The following PIK3C2A variants were observed in gnomAD, a reference collection of about 807,000 sequenced individuals.
The protein encoded by PIK3C2A is phosphatidylinositol 4-phosphate 3-kinase C2 domain-containing subunit alpha.
Under a neutral mutation model 204.5 loss-of-function variants are expected in PIK3C2A, and 97 were observed. The observed-to-expected ratio is 0.47, with a 90% confidence interval of 0.40 to 0.56. The LOEUF is 0.56. Ranked by LOEUF, PIK3C2A falls within the 20% of genes least tolerant of loss-of-function variation. The pLI is 0.00. For synonymous variants in PIK3C2A, 653 were observed against 664.4 expected (o/e 0.98, Z 0.26); for missense variants, 1,735 against 1,969.2 (o/e 0.88, Z 2.25).
intron 13 of PIK3C2A, among the ~76,000 whole-genome samples, chr11:17,124,480 G>T (rs1438149344): frequency 6.7e-6 from 1 of 150,094 alleles, no homozygotes; most frequent in Non-Finnish European, 1.5e-5. Context: ...TTTTGAGACG[G>T]AGTCTTGTTC....
intron 3 of PIK3C2A, among the ~76,000 whole-genome samples, chr11:17,155,128 C>T (rs541998912): frequency 1.3e-5 from 2 of 152,280 alleles, no homozygotes; most frequent in Non-Finnish European, 2.9e-5. Flanking sequence ...AATATATTTG[C>T]TCTTCTAAAC....
chr11:17,194,886 G>A (rs566445657), intron 1 of PIK3C2A, among the ~76,000 whole-genome samples: 1 of 146,020 alleles, frequency 6.8e-6, no homozygotes, highest in African/African-American at 2.6e-5. Flanking sequence ...TCCAGCCTGG[G>A]CAACAAGAAC....
intron 1 of PIK3C2A, among the ~76,000 whole-genome samples, chr11:17,181,223 T>C (rs1202736002): frequency 6.6e-6 from 1 of 152,126 alleles, no homozygotes; most frequent in South Asian, 2.1e-4. Context: ...ATTAAGTCTC[T>C]GGCCATTGGT....
chr11:17,136,077 G>A (rs1849863596), intron 9 of PIK3C2A, among the ~76,000 whole-genome samples: 1 of 151,804 alleles, frequency 6.6e-6, no homozygotes, highest in African/African-American at 2.4e-5. Context: ...TTTTCTACAG[G>A]AAGTATTAGC....
At chr11:17,198,031 A>G (rs960820134) in intron 1 of PIK3C2A, among the ~76,000 whole-genome samples, 1 of 152,170 alleles carries the variant, frequency 6.6e-6, no homozygotes, top group African/African-American at 2.4e-5. Flanking sequence ...TTAAATTCAT[A>G]GTTTTATATA....
intron 5 of PIK3C2A, chr11:17,148,460 T>C (rs1850320546): frequency 9.7e-6 from 5 of 517,410 alleles, no homozygotes; most frequent in Admixed American, 3.2e-5. Flanking sequence ...GGGAATACAA[T>C]GTCTCACTTA....
intron 5 of PIK3C2A, among the ~76,000 whole-genome samples, chr11:17,148,004 G>C (rs981363349): frequency 6.6e-6 from 1 of 152,062 alleles, no homozygotes; most frequent in African/African-American, 2.4e-5. Flanking sequence ...GATCACCTGA[G>C]GTCGAGAGTT....
At position 17,110,604 on chromosome 11, in the gene PIK3C2A, A is replaced by G. The variant is rs746687176; in HGVS notation, c.3415-43T>C. 3.2e-6 allele frequency: 5 copies of G among 1,569,276 alleles called. No homozygotes were observed. In the South Asian group the frequency reaches 5.8e-5, roughly 18 times the overall value. On this transcript the variant is annotated intron_variant, in intron 21 of 32. Coordinates refer to ENST00000691414, the MANE Select transcript of PIK3C2A (RefSeq NM_002645.4). ...AAAATGAAACTTGTACATCTCCAAA[A>G]GACTTAACAGATTACATACTATGAA...
intron 13 of PIK3C2A, among the ~76,000 whole-genome samples, chr11:17,127,933 T>C (rs1423240642): frequency 1.3e-5 from 2 of 152,220 alleles, no homozygotes. Context: ...GTTCAGAATG[T>C]AGACCCTGTA....
intron 1 of PIK3C2A, among the ~76,000 whole-genome samples, chr11:17,186,676 C>A (rs531771180): frequency 2.0e-5 from 3 of 152,172 alleles, no homozygotes; most frequent in African/African-American, 4.8e-5. Context: ...ATGTATATCT[C>A]GGAATTCTTC....
In PIK3C2A at chr11:17,088,421, G is replaced by A. The variant is rs1848208359; in HGVS notation, c.*1317C>T. ...CCGCTACCACGCCTGGCTAATTTTT[G>A]TGTAGAGACGGGGTTTCACCATGTT... is the stretch of plus-strand genomic sequence containing the variant. On this transcript the variant is annotated 3_prime_UTR_variant, in exon 33 of 33. Coordinates refer to ENST00000691414, the MANE Select transcript of PIK3C2A (RefSeq NM_002645.4). 1 of 152,052 alleles carries A rather than the reference G, an allele frequency of 6.6e-6. No individual in the cohort carries two copies. 9.4% of individuals were successfully genotyped at this position (152,052 alleles called of 1,614,324 possible). A position where few individuals can be genotyped will look rare whatever the true frequency, so the allele number is the denominator to read the frequency against.
chr11:17,169,547 T>A lies in PIK3C2A; in HGVS notation c.195A>T (p.Ala65=). The A allele has an allele frequency of 6.2e-7, 1 of 1,614,182 alleles. No individual in the cohort carries two copies. The highest frequency in any genetic ancestry group is 8.5e-7 in the Non-Finnish European group (1 of 1,180,020). Residue 65 remains alanine (A), a synonymous_variant, in exon 2 of 33, where the codon GCA becomes GCT. Coordinates refer to ENST00000691414, the MANE Select transcript of PIK3C2A (RefSeq NM_002645.4). ...CATAATCCTGCTTGTTATAAACCTG[T>A]GCTTTTTTTCTGGTGCTGCTTGACA... ...FELSSSTRKK[A]QVYNKQDYDL...
At chr11:17,200,123 T>G (rs893856851) in intron 1 of PIK3C2A, among the ~76,000 whole-genome samples, 8 of 151,848 alleles carry the variant, frequency 5.3e-5, no homozygotes, top group Non-Finnish European at 8.8e-5. Context: ...GAGGAGGAAG[T>G]TGCAGTGAGC....
intron 1 of PIK3C2A, among the ~76,000 whole-genome samples, chr11:17,198,287 T>C (rs1852233759): frequency 1.3e-5 from 2 of 151,966 alleles, no homozygotes; most frequent in African/African-American, 4.8e-5. Flanking sequence ...TTTTTGTATT[T>C]TTAGTAGAGA....
chr11:17,153,055 G>C (rs1565277276), intron 3 of PIK3C2A, among the ~76,000 whole-genome samples: 1 of 152,006 alleles, frequency 6.6e-6, no homozygotes, highest in East Asian at 1.9e-4. Flanking sequence ...CAGAAAGACA[G>C]GTGTAGAATG....
At position 17,193,876 on chromosome 11, in the gene PIK3C2A, A is replaced by G. The variant is rs1210471900; in HGVS notation, c.-66+13972T>C. On this transcript the variant is annotated intron_variant, in intron 1 of 32. Transcript: ENST00000691414. ...AGAAAAGAAAAGAAAAGAAAAGAAA[A>G]GAAAAGAAAAGAAAAGAAAAGAAAA... is the stretch of plus-strand genomic sequence containing the variant. 29 of 147,988 alleles carry G rather than the reference A, an allele frequency of 2.0e-4. 3 individuals carry two copies. The East Asian group carries it at 2.7e-3, about 14-fold the overall frequency. The allele number at this position is 147,988 out of a possible 1,614,324, so 9.2% of individuals were successfully genotyped here. A position where few individuals can be genotyped will look rare whatever the true frequency, so the allele number is the denominator to read the frequency against.
rs1468053196 is a variant in PIK3C2A, at chr11:17,145,872, G to C, written c.1631C>G (p.Ala544Gly). Reference protein sequence around the residue: ...LYQIEKPCKEAMTRHPVEELL... With the variant: ...LYQIEKPCKEGMTRHPVEELL... Reference sequence around the variant, plus strand: ...GCTTTAGATGATATACCTCGTCATGGCTTCTTTGCAAGGTTTTTCTATTTG... The same window carrying C: ...GCTTTAGATGATATACCTCGTCATGCCTTCTTTGCAAGGTTTTTCTATTTG... Residue 544 changes from alanine (A) to glycine (G), a missense_variant, in exon 7 of 33, where the codon GCC becomes GGC. By Grantham distance (60) the Ala-to-Gly change is moderately conservative. Coordinates refer to ENST00000691414, the MANE Select transcript of PIK3C2A (RefSeq NM_002645.4). 2.5e-6 allele frequency: 4 copies of C among 1,612,754 alleles called. No individual in the cohort carries two copies. Among genetic ancestry groups the C allele is most frequent in the East Asian group, 4.5e-5 (2 of 44,808 alleles).
At chr11:17,158,126 A>T (rs1485817915) in intron 2 of PIK3C2A, among the ~76,000 whole-genome samples, 1 of 152,028 alleles carries the variant, frequency 6.6e-6, no homozygotes, top group Non-Finnish European at 1.5e-5. Context: ...GAGGCAGGCA[A>T]ATCACCTGAG....
chr11:17,133,528 G>T (rs539778110), intron 11 of PIK3C2A, among the ~76,000 whole-genome samples: 127 of 152,156 alleles, frequency 8.3e-4, no homozygotes, highest in Admixed American at 1.6e-3. Context: ...GCAAAACTTA[G>T]GTTTGATATT....
Sources: gnomAD v4.1 joint callset for allele counts (sites outside exome capture counted in the v4.1 genomes callset) on GRCh38, gnomAD v4.1.1 for gene constraint, MANE v1.5 for transcripts, NCBI Gene and HGNC (gene_info 2026-07-23, HGNC 2026-07-21) for gene names.